Variants in FYN observed in about 807,000 individuals in gnomAD.
The protein encoded by FYN is FYN proto-oncogene, Src family tyrosine kinase.
A neutral mutation model predicts 70.2 loss-of-function variants in FYN; 10 were observed. That is an observed-to-expected ratio of 0.14 (90% CI 0.09 to 0.24). The LOEUF (loss-of-function observed/expected upper bound fraction) is 0.24. FYN is among the 10% of genes least tolerant of loss of function. The probability of loss-of-function intolerance (pLI) is 1.00; values close to 1 mark genes in which losing one functional copy is unlikely to be tolerated. For synonymous variants in FYN, 236 were observed against 248.6 expected (o/e 0.95, Z 0.48); for missense variants, 319 against 673.1 (o/e 0.47, Z 5.82).
At chr6:111,743,666 C>T (rs1802082950) in intron 3 of FYN, among the ~76,000 whole-genome samples, 1 of 152,182 alleles carries the variant, frequency 6.6e-6, no homozygotes, top group African/African-American at 2.4e-5. Context: ...AGGAACAGAG[C>T]AGAGTAAATG....
chr6:111,678,980 C>T (rs1436302812), intron 12 of FYN, among the ~76,000 whole-genome samples: 1 of 152,190 alleles, frequency 6.6e-6, no homozygotes, highest in African/African-American at 2.4e-5. Context: ...ATGTCCCCCC[C>T]TGGGTTTCTA....
intron 12 of FYN, among the ~76,000 whole-genome samples, chr6:111,677,570 A>G (rs1459155990): frequency 6.6e-6 from 1 of 152,192 alleles, no homozygotes; most frequent in Non-Finnish European, 1.5e-5. Flanking sequence ...AGCATCCCTA[A>G]GGTTGTGTAG....
chr6:111,729,519 T>C (rs1801350421), intron 3 of FYN, among the ~76,000 whole-genome samples: 1 of 151,588 alleles, frequency 6.6e-6, no homozygotes. Flanking sequence ...CTTTAACCTG[T>C]AAATGTGTGC....
At chr6:111,685,015 G>A (rs1798935782) in intron 12 of FYN, among the ~76,000 whole-genome samples, 1 of 152,188 alleles carries the variant, frequency 6.6e-6, no homozygotes, top group Non-Finnish European at 1.5e-5. Flanking sequence ...CCTCTGTAAA[G>A]AGAAAACAAA....
intron 3 of FYN, among the ~76,000 whole-genome samples, chr6:111,757,853 C>T (rs560651519): frequency 1.6e-4 from 24 of 152,192 alleles, no homozygotes; most frequent in Admixed American, 2.6e-4. Context: ...GTATGTCCAT[C>T]GGCATGGGGG....
At chr6:111,832,929 A>G (rs968466288) in intron 2 of FYN, among the ~76,000 whole-genome samples, 1 of 152,224 alleles carries the variant, frequency 6.6e-6, no homozygotes, top group African/African-American at 2.4e-5. Flanking sequence ...ACAAGTTAAA[A>G]AAAGCTGCAC....
intron 3 of FYN, among the ~76,000 whole-genome samples, chr6:111,731,525 C>T (rs1801450565): frequency 6.6e-6 from 1 of 152,198 alleles, no homozygotes. Flanking sequence ...GAAGCCCAGT[C>T]CCCCGGCCCC....
intron 5 of FYN, among the ~76,000 whole-genome samples, chr6:111,709,497 C>T (rs706876): frequency 0.13 from 20,118 of 152,106 alleles, 2,568 homozygotes; most frequent in African/African-American, 0.33. Flanking sequence ...GCATAAGTAA[C>T]AGAATAGCCC....
intron 3 of FYN, among the ~76,000 whole-genome samples, chr6:111,736,997 C>T (rs978490306): frequency 5.3e-5 from 8 of 152,250 alleles, no homozygotes; most frequent in Admixed American, 4.6e-4. Flanking sequence ...ACTATCTCAA[C>T]TGTTTGAAAT....
At chr6:111,824,685 C>T (rs1772777873) in intron 2 of FYN, among the ~76,000 whole-genome samples, 1 of 152,060 alleles carries the variant, frequency 6.6e-6, no homozygotes, top group South Asian at 2.1e-4. Context: ...TTTTTATTTG[C>T]TTAGGTTTGG....
chr6:111,699,215 T>C (rs755956086), intron 9 of FYN, among the ~76,000 whole-genome samples: 2 of 152,210 alleles, frequency 1.3e-5, no homozygotes, highest in African/African-American at 4.8e-5. Context: ...AAAACGTCCA[T>C]GGTCTTTCTT....
At chr6:111,780,867 C>G (rs988841384) in intron 2 of FYN, among the ~76,000 whole-genome samples, 3 of 152,130 alleles carry the variant, frequency 2.0e-5, no homozygotes. Flanking sequence ...ATGAAATATA[C>G]CAGAAACTAT....
chr6:111,728,259 T>G (rs1368059255), intron 3 of FYN, among the ~76,000 whole-genome samples: 3 of 152,102 alleles, frequency 2.0e-5, no homozygotes, highest in Non-Finnish European at 4.4e-5. Flanking sequence ...GGTTGTAAAG[T>G]TTTTTCAGGC....
chr6:111,838,807 C>T (rs1773266626), intron 2 of FYN, among the ~76,000 whole-genome samples: 1 of 152,214 alleles, frequency 6.6e-6, no homozygotes, highest in African/African-American at 2.4e-5. Flanking sequence ...GGTGTTATCA[C>T]TTGCCTCACG....
intron 2 of FYN, among the ~76,000 whole-genome samples, chr6:111,797,702 A>ATT (rs1314311108): frequency 3.4e-5 from 4 of 118,296 alleles, no homozygotes; most frequent in Admixed American, 8.3e-5. Flanking sequence ...ATATATATAT[A>ATT]TATATATATA....
At chr6:111,758,801 G>C (rs1454203248) in intron 3 of FYN, 2 of 141,788 alleles carry the variant, frequency 1.4e-5, no homozygotes, top group East Asian at 4.5e-4. Context: ...GGACAGGAAT[G>C]AAAATTCTGG....
chr6:111,663,233 G>A (rs1797842463), intron 13 of FYN, among the ~76,000 whole-genome samples: 3 of 152,350 alleles, frequency 2.0e-5, no homozygotes, highest in East Asian at 1.9e-4. Flanking sequence ...GCAAGAACCC[G>A]ATGTCAAGCC....
chr6:111,726,191 G>A (rs1355360080), intron 3 of FYN, among the ~76,000 whole-genome samples: 1 of 152,216 alleles, frequency 6.6e-6, no homozygotes, highest in Non-Finnish European at 1.5e-5. Context: ...AATCCCCTCC[G>A]TGCCTGGATT....
At chr6:111,727,739 T>A (rs1056915206) in intron 3 of FYN, among the ~76,000 whole-genome samples, 1 of 152,172 alleles carries the variant, frequency 6.6e-6, no homozygotes, top group Non-Finnish European at 1.5e-5. Flanking sequence ...ATCAACCTTC[T>A]CTCATACCGC....
Sources: allele counts gnomAD v4.1 joint callset (sites outside exome capture counted in the v4.1 genomes callset), GRCh38; gene constraint gnomAD v4.1.1; transcripts MANE v1.5; gene names NCBI Gene and HGNC (gene_info 2026-07-23, HGNC 2026-07-21).